The following RIN2 variants were observed in gnomAD, a reference collection of about 807,000 sequenced individuals.
The protein encoded by RIN2 is Ras and Rab interactor 2, also known as RAB5 interacting protein 2.
RIN2 carries 36 observed loss-of-function variants against 78.0 expected under a neutral mutation model. That is an observed-to-expected ratio of 0.46 (90% CI 0.35 to 0.61). The LOEUF (loss-of-function observed/expected upper bound fraction) is 0.61, where lower values mean the gene tolerates loss of function less well. Among genes scored for constraint, RIN2 ranks in the 20% least tolerant of loss-of-function variants. The pLI is 0.00. For synonymous variants in RIN2, 466 were observed against 466.8 expected, an observed-to-expected ratio of 1.00 and a Z score of 0.02; for missense variants, 1,087 against 1,159.7, an observed-to-expected ratio of 0.94 and a Z score of 0.91.
intron 2 of RIN2, among the ~76,000 whole-genome samples, chr20:19,829,075 C>T (rs777925583): frequency 6.6e-6 from 1 of 152,110 alleles, no homozygotes; most frequent in Non-Finnish European, 1.5e-5. Flanking sequence ...TAATAGCTAC[C>T]TCTGGAAATA....
chr20:19,989,568 G>A (rs1414892047), intron 9 of RIN2, among the ~76,000 whole-genome samples: 2 of 152,100 alleles, frequency 1.3e-5, no homozygotes, highest in Admixed American at 6.5e-5. Context: ...GAGCTACCAC[G>A]CCTGGCCCTC....
At chr20:19,770,918 C>A (rs1056650653) in intron 1 of RIN2, among the ~76,000 whole-genome samples, 27 of 149,944 alleles carry the variant, frequency 1.8e-4, no homozygotes, top group Non-Finnish European at 1.5e-4. Flanking sequence ...TCCCGGCCTC[C>A]GGATCTGCTG....
intron 2 of RIN2, among the ~76,000 whole-genome samples, chr20:19,875,457 G>A (rs140107544): frequency 9.2e-5 from 14 of 152,054 alleles, no homozygotes; most frequent in East Asian, 3.9e-4. Flanking sequence ...GAGCCACTGC[G>A]CCCAGCCTAA....
chr20:19,861,244 C>G (rs1000018835), intron 2 of RIN2, among the ~76,000 whole-genome samples: 9 of 152,172 alleles, frequency 5.9e-5, no homozygotes, highest in African/African-American at 2.2e-4. Flanking sequence ...AAAAGTCCCA[C>G]CTCCTTATAG....
chr20:19,892,499 C>T (rs1000284956), intron 3 of RIN2, among the ~76,000 whole-genome samples: 1 of 152,342 alleles, frequency 6.6e-6, no homozygotes, highest in Middle Eastern at 3.4e-3. Flanking sequence ...AGGCATGAGC[C>T]ACCACGCCCA....
Position 19,974,897 on chromosome 20 carries a change from C to T in RIN2, c.872C>T (p.Pro291Leu). 1 of 1,613,978 alleles carries T rather than the reference C, an allele frequency of 6.2e-7. No individual in the cohort carries two copies. Among genetic ancestry groups the T allele is most frequent in the Non-Finnish European group, 8.5e-7 (1 of 1,179,894 alleles). ...GACCTCAGTGGAGGCCTGAAACGGC[C>T]GAGCACAAGGACTCCCAACGCGAAT... ...SQDLSGGLKR[P>L]STRTPNANGT... Residue 291 changes from proline to leucine, a missense_variant, in exon 9 of 13, where the codon CCG (proline) becomes CTG (leucine). By Grantham distance (98) the Pro-to-Leu change is moderately conservative. This residue lies in a region of RIN2 where 706 missense variants were observed against 667.5 expected (regional missense o/e 1.06). Transcript: ENST00000255006.
intron 2 of RIN2, among the ~76,000 whole-genome samples, chr20:19,877,980 A>T (rs570689464): frequency 6.6e-6 from 1 of 152,304 alleles, no homozygotes; most frequent in South Asian, 2.1e-4. Flanking sequence ...TGATTATGCC[A>T]GTGCATTCTA....
intron 3 of RIN2, among the ~76,000 whole-genome samples, chr20:19,928,090 A>G (rs1023060552): frequency 1.3e-5 from 2 of 152,056 alleles, no homozygotes; most frequent in African/African-American, 4.8e-5. Context: ...TTTAGTAGAG[A>G]CAGGGTTTCA....
Position 19,960,709 on chromosome 20 carries a change from G to A in RIN2, c.361G>A (p.Val121Ile). 1 of 1,594,670 alleles carries A rather than the reference G, an allele frequency of 6.3e-7. No homozygotes were observed. The highest frequency in any genetic ancestry group is 2.3e-5 in the East Asian group (1 of 44,292). The change falls in exon 6 of 13, where the codon GTT (valine) becomes ATT (isoleucine). Residue 121 changes from valine (V) to isoleucine (I), a missense_variant. Around this residue, in one of 8 missense-constraint regions of RIN2, gnomAD observed 706 missense variants for 667.5 expected, o/e 1.06. Transcript: ENST00000255006. ...LQAQPPGIFLVHKSTKMQKKV... is the reference protein window; with the variant it reads ...LQAQPPGIFLIHKSTKMQKKV... ...CTTTTCCCTCCACTAGATCTTCCTG[G>A]TTCATAAATCTACCAAGATGCAGAA...
At chr20:19,796,415 G>C (rs940657994) in intron 1 of RIN2, among the ~76,000 whole-genome samples, 2 of 152,164 alleles carry the variant, frequency 1.3e-5, no homozygotes, top group African/African-American at 4.8e-5. Context: ...GTTCATTAAG[G>C]GGTGAAGTTG....
At chr20:19,853,103 A>T (rs574263542) in intron 2 of RIN2, among the ~76,000 whole-genome samples, 77 of 138,626 alleles carry the variant, frequency 5.6e-4, no homozygotes, top group African/African-American at 2.0e-3. Context: ...TCATTGTTCA[A>T]TTCCCACCTA....
chr20:19,954,098 C>T (rs1009662985), intron 4 of RIN2, among the ~76,000 whole-genome samples: 2 of 152,232 alleles, frequency 1.3e-5, no homozygotes, highest in Non-Finnish European at 2.9e-5. Context: ...CACATGCCAA[C>T]ACTGGGTATT....
intron 3 of RIN2, among the ~76,000 whole-genome samples, chr20:19,894,848 A>G (rs11698652): frequency 0.21 from 31,186 of 151,994 alleles, 3,993 homozygotes; most frequent in Non-Finnish European, 0.29. Context: ...ACATGTTTCT[A>G]CTGATCCATG....
chr20:19,839,531 T>A (rs1404659987), intron 2 of RIN2, among the ~76,000 whole-genome samples: 2 of 152,224 alleles, frequency 1.3e-5, no homozygotes, highest in Non-Finnish European at 2.9e-5. Flanking sequence ...TTAATGCTTT[T>A]CTCTACCAGG....
At chr20:19,854,750 A>C (rs1281849683) in intron 2 of RIN2, among the ~76,000 whole-genome samples, 1 of 152,198 alleles carries the variant, frequency 6.6e-6, no homozygotes. Context: ...GACTTTGCTG[A>C]AGTTGCTGAT....
intron 2 of RIN2, among the ~76,000 whole-genome samples, chr20:19,870,243 T>C (rs977223793): frequency 2.0e-5 from 3 of 152,246 alleles, no homozygotes; most frequent in African/African-American, 7.2e-5. Context: ...CCAATTGTTA[T>C]CATTTTTCCC....
chr20:19,939,839 G>C (rs2040792494), intron 4 of RIN2, among the ~76,000 whole-genome samples: 1 of 140,350 alleles, frequency 7.1e-6, no homozygotes, highest in Non-Finnish European at 1.5e-5. Flanking sequence ...CTTGCTTCCT[G>C]TCCATTCTTT....
chr20:19,991,066 A>G (rs390470), intron 10 of RIN2, among the ~76,000 whole-genome samples: 54,531 of 151,936 alleles, frequency 0.36, 10,068 homozygotes, highest in African/African-American at 0.42. Context: ...GTAATTCTGA[A>G]GACGATTACG....
intron 2 of RIN2, among the ~76,000 whole-genome samples, chr20:19,844,633 CTTCTTCTTCTT>C (rs1568807284): frequency 2.3e-5 from 3 of 130,910 alleles, no homozygotes; most frequent in Non-Finnish European, 3.1e-5. Context: ...TCTTCTTCTT[CTTCTTCTTCTT>C]CTTCTTCTTC....
Sources: gnomAD v4.1 joint callset for allele counts (sites outside exome capture counted in the v4.1 genomes callset) on GRCh38, gnomAD v4.1.1 for gene constraint, gnomAD v4.1.1 regional missense constraint, MANE v1.5 for transcripts, NCBI Gene and HGNC (gene_info 2026-07-23, HGNC 2026-07-21) for gene names.